The following PRRX1 variants were observed in gnomAD, a reference collection of about 807,000 sequenced individuals.
PRRX1 encodes paired mesoderm homeobox protein 1.
In PRRX1, 8 loss-of-function variants were observed where a neutral mutation model predicts 24.0. The ratio of observed to expected loss-of-function variants is 0.33; its 90% CI spans 0.20 to 0.60. The LOEUF is 0.60. Ranked by LOEUF, PRRX1 falls within the 20% of genes least tolerant of loss-of-function variation. The pLI is 0.82. For synonymous variants in PRRX1, 160 were observed against 131.7 expected (o/e 1.22, Z -1.47); for missense variants, 281 against 322.4 (o/e 0.87, Z 0.98).
intron 2 of PRRX1, among the ~76,000 whole-genome samples, chr1:170,723,830 T>C (rs1272195462): frequency 2.0e-5 from 3 of 152,262 alleles, no homozygotes; most frequent in Non-Finnish European, 4.4e-5. Context: ...CATATTACTC[T>C]ACTGAATAGT....
intron 1 of PRRX1, among the ~76,000 whole-genome samples, chr1:170,680,992 C>T (rs769345727): frequency 1.2e-4 from 18 of 152,086 alleles, no homozygotes; most frequent in South Asian, 2.1e-4. Context: ...GAGGAGACTT[C>T]GGATTTGTCT....
Position 170,664,343 on chromosome 1 carries a change from T to C in PRRX1, c.125T>C (p.Leu42Pro). The change falls in exon 1 of 4, where the codon CTG becomes CCG. Residue 42 changes from leucine (L) to proline (P), a missense_variant. Leu to Pro is a moderately conservative substitution (Grantham distance 98, BLOSUM62 -3). Transcript: ENST00000239461. ...KNFSVSHLLD[L>P]EEAGDMVAAQ... ...TTCTCCGTCAGTCACCTGCTAGACCTGGAGGAAGCCGGGGACATGGTGGCG... is the reference window on the plus strand; with the variant it reads ...TTCTCCGTCAGTCACCTGCTAGACCCGGAGGAAGCCGGGGACATGGTGGCG... 1 of 1,613,826 alleles carries C rather than the reference T, an allele frequency of 6.2e-7. No homozygotes were observed. Among genetic ancestry groups the C allele is most frequent in the Admixed American group, 1.7e-5 (1 of 59,980 alleles).
chr1:170,664,768 G>A (rs1424047813), intron 1 of PRRX1, among the ~76,000 whole-genome samples: 1 of 152,258 alleles, frequency 6.6e-6, no homozygotes, highest in African/African-American at 2.4e-5. Context: ...GCACCGGCTC[G>A]GTTCATCCCG....
At chr1:170,724,775 G>A (rs537721919) in intron 2 of PRRX1, among the ~76,000 whole-genome samples, 20 of 152,100 alleles carry the variant, frequency 1.3e-4, no homozygotes, top group South Asian at 4.2e-4. Flanking sequence ...GCTCTTTTTC[G>A]TTCTATATAA....
chr1:170,715,087 A>G (rs949413073), intron 1 of PRRX1, among the ~76,000 whole-genome samples: 3 of 152,154 alleles, frequency 2.0e-5, no homozygotes, highest in Admixed American at 6.5e-5. Context: ...GAGGAATCAG[A>G]CCACAAGGCT....
intron 1 of PRRX1, 24 bp downstream of exon 1, chr1:170,664,483 G>T: frequency 1.3e-6 from 2 of 1,582,694 alleles, no homozygotes; most frequent in Non-Finnish European, 1.7e-6. Flanking sequence ...GCATGCCCAC[G>T]GGGGTGTGTG....
chr1:170,665,413 C>T (rs1558040792), intron 1 of PRRX1, among the ~76,000 whole-genome samples: 3 of 152,218 alleles, frequency 2.0e-5, no homozygotes, highest in Admixed American at 2.0e-4. Flanking sequence ...GACCGGTCAC[C>T]CTGTTCATCC....
rs754082400 is a variant in PRRX1 at position 170,736,116 on chromosome 1, G to A, written c.668G>A (p.Ser223Asn). The change falls in exon 4 of 4, where the codon AGC becomes AAC. Residue 223 changes from serine to asparagine, a missense_variant. Coordinates refer to ENST00000239461, the MANE Select transcript of PRRX1 (RefSeq NM_022716.4). ...SPAQGINMAN[S>N]IANLRLKAKE... The stretch of plus-strand genomic sequence containing the variant: ...GCACAGGGCATCAACATGGCCAACA[G>A]CATTGCCAACCTGAGACTGAAGGCC... 6.2e-7 allele frequency: 1 copy of A among 1,614,154 alleles called. No homozygotes were observed. Among genetic ancestry groups the A allele is most frequent in the Non-Finnish European group, 8.5e-7 (1 of 1,180,000 alleles).
intron 1 of PRRX1, among the ~76,000 whole-genome samples, chr1:170,690,292 G>A (rs766925990): frequency 1.3e-5 from 2 of 152,080 alleles, no homozygotes; most frequent in Non-Finnish European, 2.9e-5. Context: ...TGGCTTCTGC[G>A]ATGGAGTCAG....
chr1:170,707,727 G>A (rs1264034184), intron 1 of PRRX1, among the ~76,000 whole-genome samples: 1 of 152,170 alleles, frequency 6.6e-6, no homozygotes, highest in African/African-American at 2.4e-5. Context: ...GCTTGTCAAT[G>A]AAACTTTTAC....
rs1302034748 is a variant in PRRX1 at position 170,737,918 on chromosome 1, T to A, written c.*1732T>A. Reference sequence around the variant, plus strand: ...CATGGGAGGAAAGGGACTATAAAAGTGTACAATGTTAATGGAATGATACGG... The same window carrying A: ...CATGGGAGGAAAGGGACTATAAAAGAGTACAATGTTAATGGAATGATACGG... On this transcript the variant is annotated 3_prime_UTR_variant, in exon 4 of 4. Transcript: ENST00000239461. 1 of 216,314 alleles carries A rather than the reference T, an allele frequency of 4.6e-6. No homozygotes were observed. Among genetic ancestry groups the A allele is most frequent in the Non-Finnish European group, 9.3e-6 (1 of 107,226 alleles). 13.4% of individuals were successfully genotyped at this position (216,314 alleles called of 1,614,324 possible).
chr1:170,679,488 C>T (rs935200752), intron 1 of PRRX1, among the ~76,000 whole-genome samples: 5 of 152,188 alleles, frequency 3.3e-5, no homozygotes, highest in African/African-American at 7.2e-5. Context: ...CAAGCTCCAC[C>T]TCCCAGGTTC....
intron 1 of PRRX1, among the ~76,000 whole-genome samples, chr1:170,688,400 A>G (rs916585150): frequency 1.3e-5 from 2 of 152,098 alleles, no homozygotes; most frequent in Non-Finnish European, 2.9e-5. Flanking sequence ...TGAAAAAGTA[A>G]TAGAATTTTT....
rs1655706739 is a variant in PRRX1, at chr1:170,738,848, A to G, written c.*2662A>G. 4.4e-6 allele frequency: 1 copy of G among 229,334 alleles called. No individual in the cohort carries two copies. The allele number at this position is 229,334 out of a possible 1,614,324, so 14.2% of individuals were successfully genotyped here. On this transcript the variant is annotated 3_prime_UTR_variant, in exon 4 of 4. Transcript: ENST00000239461. The stretch of plus-strand genomic sequence containing the variant: ...AGGTGAAGTTGGGTGGTTTTATCCA[A>G]TGTCTCAAGCAAGCAATGTCTGGGA...
intron 1 of PRRX1, among the ~76,000 whole-genome samples, chr1:170,680,132 G>A (rs998113338): frequency 3.3e-5 from 5 of 152,050 alleles, no homozygotes; most frequent in East Asian, 3.9e-4. Flanking sequence ...TTTAAGGTAC[G>A]TTTCAGGGCT....
intron 3 of PRRX1, chr1:170,727,939 T>C (rs977037581): frequency 2.0e-5 from 3 of 152,270 alleles, no homozygotes; most frequent in African/African-American, 7.2e-5. Flanking sequence ...GAAAGGCTGC[T>C]TTATTTCTCT....
intron 1 of PRRX1, among the ~76,000 whole-genome samples, chr1:170,683,918 C>A (rs574710652): frequency 9.9e-5 from 15 of 152,088 alleles, no homozygotes; most frequent in Non-Finnish European, 1.8e-4. Flanking sequence ...GAAACAGTAA[C>A]CAAAATTCAG....
chr1:170,666,407 G>A, intron 1 of PRRX1, among the ~76,000 whole-genome samples: 1 of 107,338 alleles, frequency 9.3e-6, no homozygotes. Context: ...GACAGAGTGA[G>A]ACTCCGTCTC....
At chr1:170,684,539 G>A (rs1337510125) in intron 1 of PRRX1, among the ~76,000 whole-genome samples, 1 of 152,208 alleles carries the variant, frequency 6.6e-6, no homozygotes, top group African/African-American at 2.4e-5. Context: ...GATCACTAGA[G>A]GTTAGGAGTT....
Sources: gnomAD v4.1 joint callset for allele counts (sites outside exome capture counted in the v4.1 genomes callset) on GRCh38, gnomAD v4.1.1 for gene constraint, MANE v1.5 for transcripts, NCBI Gene and HGNC (gene_info 2026-07-23, HGNC 2026-07-21) for gene names.